The following PARP4 variants were observed in gnomAD, a reference collection of about 807,000 sequenced individuals.
PARP4 encodes poly(ADP-ribose) polymerase family member 4, also known as protein mono-ADP-ribosyltransferase PARP4.
In PARP4, 120 loss-of-function variants were observed where a neutral mutation model predicts 187.7. The ratio of observed to expected loss-of-function variants is 0.64; its 90% CI spans 0.55 to 0.74. The LOEUF (loss-of-function observed/expected upper bound fraction) is 0.74. Among genes scored for constraint, PARP4 ranks in the 30% least tolerant of loss-of-function variants. The pLI, the probability that PARP4 is intolerant of heterozygous loss-of-function variation, is 0.00. For synonymous variants in PARP4, 654 were observed against 740.9 expected, an observed-to-expected ratio of 0.88 and a Z score of 1.90; for missense variants, 1,836 against 2,070.5, an observed-to-expected ratio of 0.89 and a Z score of 2.20.
At chr13:24,455,785 T>A (rs1364288228) in intron 21 of PARP4, among the ~76,000 whole-genome samples, 1 of 151,392 alleles carries the variant, frequency 6.6e-6, no homozygotes, top group Non-Finnish European at 1.5e-5. Flanking sequence ...ACCTGGCTAA[T>A]TTTTTTTCTT....
At chr13:24,440,547 A>G (rs1225987258) in intron 30 of PARP4, among the ~76,000 whole-genome samples, 9 of 152,106 alleles carry the variant, frequency 5.9e-5, no homozygotes, top group Non-Finnish European at 1.2e-4. Context: ...ACTACAGCTA[A>G]TATTTATCAA....
chr13:24,494,846 AC>A, intron 6 of PARP4, 124 bp from the exon 7 acceptor site: 1 of 604,166 alleles, frequency 1.7e-6, no homozygotes, highest in Non-Finnish European at 2.7e-6. Flanking sequence ...TCAAAGAATT[AC>A]TTAAATTTTA....
intron 17 of PARP4, among the ~76,000 whole-genome samples, chr13:24,461,956 G>C (rs1872234790): frequency 6.6e-6 from 1 of 152,174 alleles, no homozygotes; most frequent in Admixed American, 6.5e-5. Flanking sequence ...CTAGTACAAA[G>C]CAGGGGTTGC....
intron 6 of PARP4, among the ~76,000 whole-genome samples, chr13:24,497,535 C>T (rs1566019627): frequency 6.6e-6 from 1 of 152,168 alleles, no homozygotes; most frequent in Non-Finnish European, 1.5e-5. Flanking sequence ...ACATTCCCTT[C>T]TAGCGGGACC....
At chr13:24,456,050 G>A (rs1295367993) in intron 21 of PARP4, among the ~76,000 whole-genome samples, 1 of 152,094 alleles carries the variant, frequency 6.6e-6, no homozygotes, top group Non-Finnish European at 1.5e-5. Context: ...ACTATAACAA[G>A]TTATAGAGAA....
intron 29 of PARP4, 143 bp downstream of exon 29, chr13:24,442,447 G>C (rs3816226): frequency 3.2e-6 from 2 of 615,420 alleles, no homozygotes; most frequent in African/African-American, 3.7e-5. Context: ...GCTGGGACTC[G>C]TGGGGCCTGC....
In PARP4 at chr13:24,490,823, T is replaced by C. The variant is rs1328953082; in HGVS notation, c.1059A>G (p.Ile353Met). The change falls in exon 10 of 34, where the codon ATA becomes ATG. Residue 353 changes from isoleucine to methionine, a missense_variant. This residue lies in a region of PARP4 where 1,147 missense variants were observed against 1,214.2 expected (regional missense o/e 0.94). Coordinates refer to ENST00000381989, the MANE Select transcript of PARP4 (RefSeq NM_006437.4). Reference sequence around the variant, plus strand: ...TTTCACAGACATTAACCATGTCTCTTATTAGCTGTAGGTGGAAATAATACA... The same window carrying C: ...TTTCACAGACATTAACCATGTCTCTCATTAGCTGTAGGTGGAAATAATACA... ...LAKKADLCQL[I>M]RDMVNVCETN... The C allele has an allele frequency of 7.4e-6, 12 of 1,612,182 alleles. No individual in the cohort carries two copies. In the African/African-American group the frequency reaches 1.3e-4, roughly 18 times the overall value.
intron 25 of PARP4, 136 bp from the exon 26 acceptor site, chr13:24,447,322 G>A (rs1871266406): frequency 4.0e-6 from 2 of 494,226 alleles, no homozygotes; most frequent in Non-Finnish European, 6.8e-6. Flanking sequence ...CTGCTACAGG[G>A]TACTTTCCCG....
intron 14 of PARP4, among the ~76,000 whole-genome samples, chr13:24,476,298 G>A (rs1385677104): frequency 1.3e-5 from 2 of 152,100 alleles, no homozygotes; most frequent in Non-Finnish European, 2.9e-5. Context: ...ACTGTGGGGT[G>A]TCCTCCTGAA....
At chr13:24,506,356 A>G (rs1841273136) in intron 1 of PARP4, among the ~76,000 whole-genome samples, 1 of 152,122 alleles carries the variant, frequency 6.6e-6, no homozygotes, top group African/African-American at 2.4e-5. Flanking sequence ...AACAAAATTT[A>G]CTGCAAGGAG....
chr13:24,508,395 T>C (rs1869824226), intron 1 of PARP4, among the ~76,000 whole-genome samples: 1 of 152,054 alleles, frequency 6.6e-6, no homozygotes, highest in Non-Finnish European at 1.5e-5. Flanking sequence ...CTGTTGAAAA[T>C]TTGAAAAATA....
intron 10 of PARP4, among the ~76,000 whole-genome samples, chr13:24,487,258 A>C (rs914605361): frequency 3.4e-5 from 2 of 58,932 alleles, no homozygotes; most frequent in Non-Finnish European, 5.1e-5. Flanking sequence ...GGCTCCGTCA[A>C]AAAAAAAAAA....
At chr13:24,507,901 C>T (rs1211528254) in intron 1 of PARP4, among the ~76,000 whole-genome samples, 1 of 152,166 alleles carries the variant, frequency 6.6e-6, no homozygotes, top group East Asian at 1.9e-4. Context: ...CTTCCTCACC[C>T]CATGCTGTAT....
At chr13:24,422,090 C>A (rs910997736) in intron 33 of PARP4, among the ~76,000 whole-genome samples, 17 of 152,142 alleles carry the variant, frequency 1.1e-4, no homozygotes, top group Admixed American at 6.5e-5. Flanking sequence ...GTCAGTATAG[C>A]GTGGTGGTTA....
Position 24,494,576 on chromosome 13 carries a change from T to C in PARP4, c.738A>G (p.Gln246=), listed in dbSNP as rs1317386998. 3 of 1,603,556 alleles carry C rather than the reference T, an allele frequency of 1.9e-6. No homozygotes were observed. Among genetic ancestry groups the C allele is most frequent in the South Asian group, 2.3e-5 (2 of 87,678 alleles). Residue 246 remains glutamine (Q), a synonymous_variant, in exon 7 of 34, where the codon CAA becomes CAG. Coordinates refer to ENST00000381989, the MANE Select transcript of PARP4 (RefSeq NM_006437.4). ...EATQLASEQL[Q]ALLLEEVMNS... ...AAAAATTATAAATCAATCTCACTGC[T>C]TGCAATTGTTCAGATGCTAATTGGG...
chr13:24,460,281 T>C lies in PARP4; in HGVS notation c.2134-145A>G. 5 of 690,832 alleles carry C rather than the reference T, an allele frequency of 7.2e-6. No homozygotes were observed. In the South Asian group the frequency reaches 9.5e-5, roughly 13 times the overall value. The allele number at this position is 690,832 out of a possible 1,614,324, so 42.8% of individuals were successfully genotyped here. On this transcript the variant is annotated intron_variant, in intron 17 of 33. Coordinates refer to ENST00000381989, the MANE Select transcript of PARP4 (RefSeq NM_006437.4). ...CAGTAATAAAACCTAAAAGACACAT[T>C]GGTGGGGCTAACGGAGAATCCTGGA...
intron 9 of PARP4, among the ~76,000 whole-genome samples, chr13:24,491,186 T>C (rs1868628475): frequency 6.6e-6 from 1 of 151,996 alleles, no homozygotes; most frequent in African/African-American, 2.4e-5. Flanking sequence ...AGTGGCATGA[T>C]CTTGACTCAC....
chr13:24,461,474 C>T (rs959675653), intron 17 of PARP4, among the ~76,000 whole-genome samples: 4 of 152,152 alleles, frequency 2.6e-5, no homozygotes, highest in African/African-American at 7.2e-5. Flanking sequence ...ATCAACCAAG[C>T]GAACTGAATT....
At position 24,435,253 on chromosome 13, in the gene PARP4, T is replaced by C; in HGVS notation, c.3888A>G (p.Thr1296=). 1 of 1,613,898 alleles carries C rather than the reference T, an allele frequency of 6.2e-7. No homozygotes were observed. Among genetic ancestry groups the C allele is most frequent in the Non-Finnish European group, 8.5e-7 (1 of 1,179,990 alleles). Residue 1296 remains threonine, a synonymous_variant, in exon 31 of 34, where the codon ACA becomes ACG. Coordinates refer to ENST00000381989, the MANE Select transcript of PARP4 (RefSeq NM_006437.4). ...CTTTCTTAAATAGTGGTTCAGTTGC[T>C]GTTGGTTTACATGACTCTGTCCAAC... ...DLSWTESCKP[T]ATEPLFKKVS...
Sources: gnomAD v4.1 joint callset for allele counts (sites outside exome capture counted in the v4.1 genomes callset) on GRCh38, gnomAD v4.1.1 for gene constraint, gnomAD v4.1.1 regional missense constraint, MANE v1.5 for transcripts, NCBI Gene and HGNC (gene_info 2026-07-23, HGNC 2026-07-21) for gene names.